Variants in FERMT2 observed in about 807,000 individuals in gnomAD.
FERMT2 encodes FERM domain containing kindlin 2, also known as fermitin family homolog 2.
In FERMT2, 15 loss-of-function variants were observed where a neutral mutation model predicts 82.7. The ratio of observed to expected loss-of-function variants is 0.18; its 90% CI spans 0.12 to 0.28. The LOEUF (loss-of-function observed/expected upper bound fraction) is 0.28. Among genes scored for constraint, FERMT2 ranks in the 10% least tolerant of loss-of-function variants. The pLI is 1.00. For missense variants in FERMT2, 645 were observed against 809.4 expected (o/e 0.80, Z 2.46); for synonymous variants, 274 against 271.5 (o/e 1.01, Z -0.09).
intron 2 of FERMT2, among the ~76,000 whole-genome samples, chr14:52,940,268 T>G (rs890760653): frequency 2.0e-5 from 3 of 152,160 alleles, no homozygotes; most frequent in African/African-American, 7.2e-5. Flanking sequence ...ACCTGAATCA[T>G]GGAAGGAAAT....
chr14:52,920,605 C>T (rs1319032602), intron 2 of FERMT2, among the ~76,000 whole-genome samples: 3 of 151,960 alleles, frequency 2.0e-5, no homozygotes, highest in African/African-American at 4.8e-5. Context: ...TACATTCCAG[C>T]CTGGGCAAGG....
At chr14:52,865,539 C>A in intron 10 of FERMT2, among the ~76,000 whole-genome samples, 1 of 152,108 alleles carries the variant, frequency 6.6e-6, no homozygotes, top group East Asian at 1.9e-4. Context: ...TCGACATTTC[C>A]TGACCTTGGA....
chr14:52,915,010 C>T (rs1888540754), intron 3 of FERMT2, among the ~76,000 whole-genome samples: 2 of 151,842 alleles, frequency 1.3e-5, no homozygotes, highest in Non-Finnish European at 2.9e-5. Flanking sequence ...TCAAAGAGTT[C>T]AGTAAGGTAT....
At chr14:52,863,526 A>G (rs1002523186) in intron 12 of FERMT2, 1 of 152,142 alleles carries the variant, frequency 6.6e-6, no homozygotes, top group Non-Finnish European at 1.5e-5. Flanking sequence ...TTCCCCTGTA[A>G]AGGACTTTTT....
rs186471284 is a variant in FERMT2, at chr14:52,944,472, A to G, written c.157+5940T>C. 7.2e-5 allele frequency among the ~76,000 whole-genome samples: 11 copies of G among 152,338 alleles called. No individual in the cohort carries two copies. The East Asian group carries it at 2.1e-3, about 29-fold the overall frequency. ...CCCAGGGAGCACTAAGCCAGGGTAT[A>G]AGGGAGCTGTCCAGTTACGTATGCC... On this transcript the variant is annotated intron_variant, in intron 2 of 14. Transcript: ENST00000341590.
intron 2 of FERMT2, among the ~76,000 whole-genome samples, chr14:52,933,707 T>A (rs1889699835): frequency 6.4e-5 from 4 of 62,564 alleles, no homozygotes; most frequent in African/African-American, 1.5e-4. Context: ...CAAAACTCCG[T>A]CTCAAAAAAA....
intron 3 of FERMT2, among the ~76,000 whole-genome samples, chr14:52,907,869 C>T (rs904205829): frequency 6.6e-6 from 1 of 151,708 alleles, no homozygotes; most frequent in Non-Finnish European, 1.5e-5. Flanking sequence ...TTGGTCTTCA[C>T]CAAAATGAAA....
chr14:52,935,651 G>A (rs1457717894), intron 2 of FERMT2, among the ~76,000 whole-genome samples: 9 of 152,174 alleles, frequency 5.9e-5, no homozygotes, highest in Admixed American at 1.3e-4. Flanking sequence ...AGAAATAAGT[G>A]CTTACTGTTT....
intron 14 of FERMT2, 119 bp downstream of exon 14, chr14:52,859,454 T>C (rs1884765662): frequency 2.1e-6 from 2 of 958,800 alleles, no homozygotes; most frequent in Non-Finnish European, 2.9e-6. Context: ...CCATGGTCTG[T>C]CTGTACTTTA....
At chr14:52,935,913 A>G (rs1427390179) in intron 2 of FERMT2, among the ~76,000 whole-genome samples, 3 of 152,216 alleles carry the variant, frequency 2.0e-5, no homozygotes, top group African/African-American at 7.2e-5. Flanking sequence ...GCAGTTAAGA[A>G]GTTTTTTTCA....
chr14:52,884,334 G>A (rs1886463759), intron 4 of FERMT2, among the ~76,000 whole-genome samples: 1 of 152,218 alleles, frequency 6.6e-6, no homozygotes, highest in Admixed American at 6.5e-5. Flanking sequence ...AGGCGCGGTG[G>A]CTCAAGCCTG....
rs1308913153 is a variant in FERMT2, at chr14:52,919,281, G to T, written c.233C>A (p.Thr78Asn). 1 of 1,613,836 alleles carries T rather than the reference G, an allele frequency of 6.2e-7. No homozygotes were observed. Among genetic ancestry groups the T allele is most frequent in the African/African-American group, 1.3e-5 (1 of 74,868 alleles). The change falls in exon 3 of 15, where the codon ACC becomes AAC. Residue 78 changes from threonine (T) to asparagine (N), a missense_variant. Physicochemically the swap from Thr to Asn is moderately conservative, Grantham distance 65. Coordinates refer to ENST00000341590, the MANE Select transcript of FERMT2 (RefSeq NM_006832.3). ...KRTWLLKTHW[T>N]LDKYGIQADA... ...TGCCTGAATACCATACTTATCTAAG[G>T]TCCAATGTGTCTTCAGAAGCCAAGT...
chr14:52,874,260 T>A (rs1478430523), intron 8 of FERMT2, 34 bp from the exon 9 acceptor site: 1 of 1,428,834 alleles, frequency 7.0e-7, no homozygotes, highest in Admixed American at 2.1e-5. Flanking sequence ...TTAATTTTTT[T>A]AATATTTGAA....
At chr14:52,937,209 CT>C (rs1889884754) in intron 2 of FERMT2, among the ~76,000 whole-genome samples, 1 of 151,950 alleles carries the variant, frequency 6.6e-6, no homozygotes, top group South Asian at 2.1e-4. Flanking sequence ...CTGTCTTTAC[CT>C]TACGACTGCA....
At chr14:52,926,474 A>G (rs1387375044) in intron 2 of FERMT2, among the ~76,000 whole-genome samples, 1 of 151,894 alleles carries the variant, frequency 6.6e-6, no homozygotes, top group Non-Finnish European at 1.5e-5. Context: ...GCACTTGGCC[A>G]GAAGTTAGCA....
At chr14:52,894,725 C>A (rs761359734) in intron 3 of FERMT2, among the ~76,000 whole-genome samples, 2 of 151,916 alleles carry the variant, frequency 1.3e-5, no homozygotes, top group African/African-American at 2.4e-5. Flanking sequence ...GTTTTAAAGA[C>A]CATTAACCCT....
intron 2 of FERMT2, among the ~76,000 whole-genome samples, chr14:52,931,902 G>A (rs1293296541): frequency 1.3e-5 from 2 of 152,122 alleles, no homozygotes; most frequent in Non-Finnish European, 2.9e-5. Context: ...GGTAGCACAC[G>A]CCTGTAGTCC....
rs143041099 is a variant in FERMT2 at position 52,910,231 on chromosome 14, T to C, written c.391+8892A>G. ...AATCTGAGTTCTGTTCCACTAGCATTTTGTGCTTCTCCATCCCTATCAAAT... is the reference window on the plus strand; with the variant it reads ...AATCTGAGTTCTGTTCCACTAGCATCTTGTGCTTCTCCATCCCTATCAAAT... On this transcript the variant is annotated intron_variant, in intron 3 of 14. Transcript: ENST00000341590. Among the ~76,000 whole-genome samples the C allele has an allele frequency of 4.4e-4, 67 of 152,228 alleles. No individual in the cohort carries two copies. In the East Asian group the frequency reaches 0.011, roughly 26 times the overall value.
At chr14:52,894,728 T>C (rs1308209067) in intron 3 of FERMT2, among the ~76,000 whole-genome samples, 3 of 151,988 alleles carry the variant, frequency 2.0e-5, no homozygotes, top group Non-Finnish European at 4.4e-5. Flanking sequence ...TTAAAGACCA[T>C]TAACCCTTAT....
Sources: gnomAD v4.1 joint callset for allele counts (sites outside exome capture counted in the v4.1 genomes callset) on GRCh38, gnomAD v4.1.1 for gene constraint, MANE v1.5 for transcripts, NCBI Gene and HGNC (gene_info 2026-07-23, HGNC 2026-07-21) for gene names.